The following HYDIN variants were observed in gnomAD, a reference collection of about 807,000 sequenced individuals.
The protein encoded by HYDIN is HYDIN axonemal central pair apparatus protein, also known as axonemal central pair apparatus protein HYDIN.
HYDIN carries 132 observed loss-of-function variants against 403.9 expected under a neutral mutation model. The observed-to-expected ratio is 0.33, with a 90% CI of 0.28 to 0.38. The LOEUF (loss-of-function observed/expected upper bound fraction) is 0.38. HYDIN is among the 10% of genes least tolerant of loss of function. The pLI is 1.00. For missense variants in HYDIN, 2,827 were observed against 5,009.5 expected (o/e 0.56, Z 13.15); for synonymous variants, 1,202 against 1,891.7 (o/e 0.64, Z 9.46).
chr16:70,843,423 T>G (rs1157652373), intron 75 of HYDIN, among the ~76,000 whole-genome samples: 1 of 126,238 alleles, frequency 7.9e-6, no homozygotes, highest in Non-Finnish European at 1.6e-5. Context: ...GTGCCACATT[T>G]TCTTAATCCA....
intron 42 of HYDIN, among the ~76,000 whole-genome samples, chr16:70,942,453 C>A (rs1296885461): frequency 1.4e-4 from 22 of 152,172 alleles, no homozygotes; most frequent in Non-Finnish European, 2.6e-4. Context: ...GGGAAAGATG[C>A]TCCCAAGCAC....
intron 1 of HYDIN, among the ~76,000 whole-genome samples, chr16:71,209,848 A>G (rs1161042218): frequency 1.3e-5 from 2 of 152,230 alleles, no homozygotes; most frequent in Admixed American, 1.3e-4. Context: ...AAATCTCTAC[A>G]ATGAAAATGA....
chr16:71,188,972 G>T (rs1264582163), intron 1 of HYDIN, among the ~76,000 whole-genome samples: 1 of 152,124 alleles, frequency 6.6e-6, no homozygotes, highest in East Asian at 1.9e-4. Flanking sequence ...AAAGAAACAG[G>T]AAGGTCCATT....
intron 83 of HYDIN, among the ~76,000 whole-genome samples, chr16:70,825,365 G>A (rs4985429): frequency 0.11 from 16,156 of 147,834 alleles, 1,093 homozygotes; most frequent in African/African-American, 0.19. Flanking sequence ...GGACCCATTC[G>A]ATTAGAAGAC....
intron 75 of HYDIN, among the ~76,000 whole-genome samples, chr16:70,841,995 AAAG>A (rs1321233604): frequency 2.7e-5 from 4 of 150,862 alleles, no homozygotes; most frequent in Non-Finnish European, 5.9e-5. Flanking sequence ...AGGATTTGAT[AAAG>A]ATGATGTGTT....
At chr16:70,972,813 T>C (rs1050889959) in intron 35 of HYDIN, among the ~76,000 whole-genome samples, 24 of 152,258 alleles carry the variant, frequency 1.6e-4, no homozygotes, top group Non-Finnish European at 2.9e-4. Flanking sequence ...TCCCCTGTAA[T>C]CAAACACATT....
chr16:71,167,333 G>A (rs374593590), intron 5 of HYDIN, among the ~76,000 whole-genome samples: 2 of 149,674 alleles, frequency 1.3e-5, no homozygotes, highest in Admixed American at 1.3e-4. Context: ...TTTCTTAGGC[G>A]ATCAAATCCA....
intron 4 of HYDIN, among the ~76,000 whole-genome samples, chr16:71,176,479 A>G (rs1325876692): frequency 6.6e-6 from 1 of 152,052 alleles, no homozygotes; most frequent in African/African-American, 2.4e-5. Context: ...ATTATATGCC[A>G]CCTCATCCTC....
intron 12 of HYDIN, among the ~76,000 whole-genome samples, chr16:71,080,634 T>C (rs1487685595): frequency 8.8e-6 from 1 of 113,476 alleles, no homozygotes; most frequent in Non-Finnish European, 1.6e-5. Flanking sequence ...ATTCTATGAC[T>C]TCTAGCTTAG....
Position 70,992,125 on chromosome 16 carries a change from G to A in HYDIN, c.3730C>T (p.Pro1244Ser). ...GACTCTACTGTAACTAGGATTGCTG[G>A]TGGGCTGGCAGCCTCTGAGGTTGCT... Reference protein sequence around the residue: ...IPATSEAASPPAILVTVESPE... With the variant: ...IPATSEAASPSAILVTVESPE... The change falls in exon 24 of 86, where the codon CCA (proline) becomes TCA (serine). Residue 1244 changes from proline to serine, a missense_variant. By Grantham distance (74) the Pro-to-Ser change is moderately conservative. Coordinates refer to ENST00000393567, the MANE Select transcript of HYDIN (RefSeq NM_001270974.2). 6.2e-7 allele frequency: 1 copy of A among 1,612,988 alleles called. No homozygotes were observed. Among genetic ancestry groups the A allele is most frequent in the Non-Finnish European group, 8.5e-7 (1 of 1,179,552 alleles).
intron 18 of HYDIN, among the ~76,000 whole-genome samples, chr16:71,052,367 G>T (rs1451336982): frequency 6.6e-6 from 1 of 151,776 alleles, no homozygotes; most frequent in Admixed American, 6.6e-5. Context: ...TATAACAGAG[G>T]AAGCAATATC....
At chr16:70,997,823 T>C (rs967922603) in intron 23 of HYDIN, among the ~76,000 whole-genome samples, 4 of 151,964 alleles carry the variant, frequency 2.6e-5, no homozygotes, top group Admixed American at 6.6e-5. Context: ...GTACTGTAGT[T>C]AACTCCCTGT....
At chr16:71,098,482 G>A (rs1233566298) in intron 10 of HYDIN, among the ~76,000 whole-genome samples, 1 of 151,724 alleles carries the variant, frequency 6.6e-6, no homozygotes, top group South Asian at 2.1e-4. Context: ...GATTACAGGC[G>A]TGAGCCACCG....
intron 57 of HYDIN, among the ~76,000 whole-genome samples, 168 bp downstream of exon 57, chr16:70,891,478 T>G (rs2041464157): frequency 6.6e-6 from 1 of 152,286 alleles, no homozygotes; most frequent in African/African-American, 2.4e-5. Flanking sequence ...TGTGAGCCAC[T>G]GCGCCCAGCT....
chr16:70,868,661 T>C lies in HYDIN; in HGVS notation c.11219A>G (p.Asp3740Gly), dbSNP rs1434802436. 6.2e-7 allele frequency: 1 copy of C among 1,614,050 alleles called. No homozygotes were observed. The highest frequency in any genetic ancestry group is 1.3e-5 in the African/African-American group (1 of 74,914). The change falls in exon 66 of 86, where the codon GAC (aspartate) becomes GGC (glycine). Residue 3740 changes from aspartate to glycine, a missense_variant. Physicochemically the swap from Asp to Gly is moderately conservative, Grantham distance 94. Coordinates refer to ENST00000393567, the MANE Select transcript of HYDIN (RefSeq NM_001270974.2). ...GCGGTCATCCCAGTCGGGGACCTGGTCTGCAGGGAGCTGAAACATAATCCT... is the reference window on the plus strand; with the variant it reads ...GCGGTCATCCCAGTCGGGGACCTGGCCTGCAGGGAGCTGAAACATAATCCT... Reference protein sequence around the residue: ...LSRIMFQLPADQVPDWDDRMH... With the variant: ...LSRIMFQLPAGQVPDWDDRMH...
At chr16:71,001,709 A>G (rs1188589972) in intron 23 of HYDIN, among the ~76,000 whole-genome samples, 2 of 150,818 alleles carry the variant, frequency 1.3e-5, no homozygotes, top group African/African-American at 4.9e-5. Context: ...AGCTCAAAGA[A>G]AAGTAATCTC....
chr16:71,144,760 T>G (rs1382658421), intron 7 of HYDIN, among the ~76,000 whole-genome samples: 2 of 149,522 alleles, frequency 1.3e-5, no homozygotes, highest in Non-Finnish European at 3.0e-5. Flanking sequence ...TAATCAAGAA[T>G]ATATTCAGCG....
intron 45 of HYDIN, among the ~76,000 whole-genome samples, chr16:70,932,113 G>C (rs1278241990): frequency 6.7e-6 from 1 of 148,942 alleles, no homozygotes; most frequent in Non-Finnish European, 1.5e-5. Context: ...CCAGCACTTT[G>C]GGAGGCTGAG....
At chr16:71,169,224 G>C (rs571251822) in intron 5 of HYDIN, among the ~76,000 whole-genome samples, 1 of 152,074 alleles carries the variant, frequency 6.6e-6, no homozygotes, top group Non-Finnish European at 1.5e-5. Context: ...TCAGGAGTTC[G>C]AGACCAGCCT....
Sources: allele counts gnomAD v4.1 joint callset (sites outside exome capture counted in the v4.1 genomes callset), GRCh38; gene constraint gnomAD v4.1.1; transcripts MANE v1.5; gene names NCBI Gene and HGNC (gene_info 2026-07-23, HGNC 2026-07-21).